The following PAK1 variants were observed in gnomAD, a reference collection of about 807,000 sequenced individuals.
PAK1 encodes p21 (RAC1) activated kinase 1, also known as serine/threonine-protein kinase PAK 1.
A neutral mutation model predicts 67.4 loss-of-function variants in PAK1; 29 were observed. The ratio of observed to expected loss-of-function variants is 0.43; its 90% confidence interval spans 0.32 to 0.59. The LOEUF is 0.59. Ranked by LOEUF, PAK1 falls within the 20% of genes least tolerant of loss-of-function variation. The pLI, the probability that PAK1 is intolerant of heterozygous loss-of-function variation, is 0.07. For synonymous variants in PAK1, 223 were observed against 237.4 expected (o/e 0.94, Z 0.56); for missense variants, 337 against 670.7 (o/e 0.50, Z 5.50).
intron 1 of PAK1, among the ~76,000 whole-genome samples, chr11:77,409,273 G>GAAAAGA (rs1001202467): frequency 4.6e-5 from 7 of 151,814 alleles, no homozygotes; most frequent in East Asian, 1.9e-4. Flanking sequence ...CCTGTCTCAA[G>GAAAAGA]AAAAGAAAAA....
chr11:77,441,504 T>A (rs951874993), intron 1 of PAK1, among the ~76,000 whole-genome samples: 10 of 152,236 alleles, frequency 6.6e-5, no homozygotes, highest in African/African-American at 1.9e-4. Flanking sequence ...GTAGAGCTTC[T>A]CTGGCTGAAA....
At chr11:77,413,285 C>T (rs1954748913) in intron 1 of PAK1, among the ~76,000 whole-genome samples, 1 of 152,156 alleles carries the variant, frequency 6.6e-6, no homozygotes, top group Non-Finnish European at 1.5e-5. Context: ...AATAACTTCT[C>T]TCAGAGGTTC....
intron 1 of PAK1, among the ~76,000 whole-genome samples, chr11:77,411,594 G>A (rs1160042821): frequency 6.6e-6 from 1 of 152,086 alleles, no homozygotes; most frequent in African/African-American, 2.4e-5. Flanking sequence ...CTAGCCCTGG[G>A]TGGGCTCATC....
In PAK1 at chr11:77,389,913, C is replaced by T. The variant is rs141633291; in HGVS notation, c.190+2418G>A. Reference sequence around the variant, plus strand: ...CCTTTCTAGTTTGAGTCAGCAAGAACAATTTAAACTTTTTAATTTAAAAAG... The same window carrying T: ...CCTTTCTAGTTTGAGTCAGCAAGAATAATTTAAACTTTTTAATTTAAAAAG... On this transcript the variant is annotated intron_variant, in intron 2 of 14. Coordinates refer to ENST00000356341, the MANE Select transcript of PAK1 (RefSeq NM_002576.5). 1.8e-3 allele frequency among the ~76,000 whole-genome samples: 271 copies of T among 152,276 alleles called. 1 individual carries two copies. Among genetic ancestry groups the T allele is most frequent in the Middle Eastern group, 0.017 (5 of 294 alleles).
intron 5 of PAK1, among the ~76,000 whole-genome samples, chr11:77,366,067 T>C (rs1050614504): frequency 1.3e-5 from 2 of 152,154 alleles, no homozygotes; most frequent in Non-Finnish European, 2.9e-5. Flanking sequence ...TTCAAACAGC[T>C]GAAATTTTTA....
At position 77,445,050 on chromosome 11, in the gene PAK1, C is replaced by T. The variant is rs545494898; in HGVS notation, c.-22+28502G>A. On this transcript the variant is annotated intron_variant, in intron 1 of 14. Coordinates refer to ENST00000356341, the MANE Select transcript of PAK1 (RefSeq NM_002576.5). ...TATTTGGAATTAGAGTAGTTACAGA[C>T]GTAATCAAGTTAAAATGAGGTCATT... is the stretch of plus-strand genomic sequence containing the variant. Among the ~76,000 whole-genome samples the T allele has an allele frequency of 2.1e-3, 316 of 152,036 alleles. 3 individuals carry two copies. Among genetic ancestry groups the T allele is most frequent in the African/African-American group, 7.2e-3 (298 of 41,444 alleles).
At chr11:77,414,195 T>C (rs552890155) in intron 1 of PAK1, among the ~76,000 whole-genome samples, 1 of 152,218 alleles carries the variant, frequency 6.6e-6, no homozygotes, top group African/African-American at 2.4e-5. Context: ...CTTTTTCTCT[T>C]CTCCAAGATA....
intron 1 of PAK1, among the ~76,000 whole-genome samples, chr11:77,457,586 G>A (rs1957137056): frequency 6.6e-6 from 1 of 152,116 alleles, no homozygotes; most frequent in Admixed American, 6.5e-5. Flanking sequence ...AAAGGGAGAG[G>A]CAGGAAAGCA....
intron 1 of PAK1, among the ~76,000 whole-genome samples, chr11:77,426,653 T>C (rs967391941): frequency 1.3e-5 from 2 of 152,204 alleles, no homozygotes; most frequent in African/African-American, 2.4e-5. Context: ...TAATCTTAAA[T>C]TGGGAACATT....
chr11:77,495,331 A>T, the PAK1 span, among the ~76,000 whole-genome samples: 1 of 146,444 alleles, frequency 6.8e-6, no homozygotes, highest in East Asian at 2.1e-4. Context: ...AAAATTAGCC[A>T]GGCGCGGTGG....
At chr11:77,521,038 T>C in the PAK1 span, among the ~76,000 whole-genome samples, 1 of 152,168 alleles carries the variant, frequency 6.6e-6, no homozygotes, top group Non-Finnish European at 1.5e-5. Flanking sequence ...AGCCTTTGAA[T>C]TCCCTAGACC....
At chr11:77,464,851 A>C (rs1199831722) in intron 1 of PAK1, among the ~76,000 whole-genome samples, 1 of 152,226 alleles carries the variant, frequency 6.6e-6, no homozygotes, top group East Asian at 1.9e-4. Context: ...ACTGCACTGA[A>C]AGTGATTGGA....
At chr11:77,406,453 T>C (rs1953576149) in intron 1 of PAK1, among the ~76,000 whole-genome samples, 1 of 152,252 alleles carries the variant, frequency 6.6e-6, no homozygotes, top group African/African-American at 2.4e-5. Context: ...TACCAAAGTA[T>C]ACTCAGCAAC....
intron 5 of PAK1, among the ~76,000 whole-genome samples, chr11:77,370,123 T>C (rs534416100): frequency 1.3e-5 from 2 of 152,294 alleles, no homozygotes; most frequent in South Asian, 4.1e-4. Context: ...AGATAGATGG[T>C]TATTGGCAAG....
At chr11:77,466,729 C>G (rs1404443904) in intron 1 of PAK1, among the ~76,000 whole-genome samples, 1 of 152,142 alleles carries the variant, frequency 6.6e-6, no homozygotes, top group Non-Finnish European at 1.5e-5. Context: ...CATATATCCA[C>G]AGAGCTTACC....
chr11:77,412,007 G>A (rs1954620841), intron 1 of PAK1: 1 of 152,326 alleles, frequency 6.6e-6, no homozygotes, highest in Admixed American at 6.5e-5. Context: ...AGGGGCGGGG[G>A]AAGAAAGGAG....
intron 1 of PAK1, among the ~76,000 whole-genome samples, chr11:77,431,470 C>A (rs985519546): frequency 6.6e-6 from 1 of 151,948 alleles, no homozygotes; most frequent in African/African-American, 2.4e-5. Context: ...CTCCTAATAC[C>A]CTCTTCAGTG....
At chr11:77,487,317 C>T in the PAK1 span, among the ~76,000 whole-genome samples, 4 of 152,164 alleles carry the variant, frequency 2.6e-5, no homozygotes, top group African/African-American at 4.8e-5. Context: ...CCAGGTGGTA[C>T]TCACCATGGG....
intron 5 of PAK1, among the ~76,000 whole-genome samples, chr11:77,373,989 T>C (rs1160876602): frequency 6.6e-6 from 1 of 152,168 alleles, no homozygotes; most frequent in East Asian, 1.9e-4. Flanking sequence ...CAAACTGACT[T>C]TCCCAAGGTT....
Sources: allele counts gnomAD v4.1 joint callset (sites outside exome capture counted in the v4.1 genomes callset), GRCh38; gene constraint gnomAD v4.1.1; transcripts MANE v1.5; gene names NCBI Gene and HGNC (gene_info 2026-07-23, HGNC 2026-07-21).